BAHCC1: variants seen among roughly 807,000 people sequenced by gnomAD.
BAHCC1 encodes the protein BAH and coiled-coil domain-containing protein 1.
In BAHCC1, 43 loss-of-function variants were observed where a neutral mutation model predicts 88.2. The observed-to-expected ratio is 0.49, with a 90% CI of 0.38 to 0.63. The LOEUF (loss-of-function observed/expected upper bound fraction) is 0.63. BAHCC1 is among the 20% of genes least tolerant of loss of function. BAHCC1 has a pLI of 0.00. For synonymous variants in BAHCC1, 1,510 were observed against 745.5 expected (o/e 2.03, Z -16.71); for missense variants, 3,023 against 1,654.8 (o/e 1.83, Z -14.34).
rs2064456970 is a variant in BAHCC1 at position 81,443,199 on chromosome 17, C to T, written c.1850C>T (p.Ala617Val). The change falls in exon 5 of 28, where the codon GCT becomes GTT. Residue 617 changes from alanine to valine, a missense_variant. Physicochemically the swap from Ala to Val is moderately conservative, Grantham distance 64. Transcript: ENST00000675386. ...DPFGSGLQQA[A>V]LLPQELPAPP... ...TTTGGCAGTGGCCTGCAGCAGGCGG[C>T]TCTTCTGCCCCAGGAACTGCCTGCG... is the stretch of plus-strand genomic sequence containing the variant. 1.3e-5 allele frequency: 10 copies of T among 779,178 alleles called. No individual in the cohort carries two copies. The highest frequency in any genetic ancestry group is 2.2e-4 in the Middle Eastern group (1 of 4,464). 48.3% of individuals were successfully genotyped at this position (779,178 alleles called of 1,614,324 possible). A position where few individuals can be genotyped will look rare whatever the true frequency, so the allele number is the denominator to read the frequency against.
At chr17:81,414,913 C>T (rs1348425571) in intron 2 of BAHCC1, among the ~76,000 whole-genome samples, 1 of 152,194 alleles carries the variant, frequency 6.6e-6, no homozygotes, top group Non-Finnish European at 1.5e-5. Flanking sequence ...GTCTCCCACC[C>T]CGGCCTGTCG....
At chr17:81,412,335 A>G (rs1598457882) in intron 2 of BAHCC1, among the ~76,000 whole-genome samples, 2 of 152,358 alleles carry the variant, frequency 1.3e-5, no homozygotes, top group East Asian at 1.9e-4. Flanking sequence ...ATTAACTTAA[A>G]TTGTAATGCA....
intron 2 of BAHCC1, among the ~76,000 whole-genome samples, chr17:81,419,595 C>T (rs111394773): frequency 1.3e-4 from 19 of 149,788 alleles, no homozygotes; most frequent in Non-Finnish European, 2.7e-4. Flanking sequence ...AAGCCAGTGC[C>T]GAGGGAAGAG....
At position 81,445,514 on chromosome 17, in the gene BAHCC1, C is replaced by T; in HGVS notation, c.2996C>T (p.Pro999Leu). 1 of 736,480 alleles carries T rather than the reference C, an allele frequency of 1.4e-6. No individual in the cohort carries two copies. Among genetic ancestry groups the T allele is most frequent in the East Asian group, 2.6e-5 (1 of 38,666 alleles). 45.6% of individuals were successfully genotyped at this position (736,480 alleles called of 1,614,324 possible). A position where few individuals can be genotyped will look rare whatever the true frequency, so the allele number is the denominator to read the frequency against. ...CCACCTTGCTGCCATCCGCCCGACC[C>T]AAAGCCCCCCGCCAGCTCCCCCACC... is the stretch of plus-strand genomic sequence containing the variant. ...KLPPCCHPPD[P>L]KPPASSPTPP... The change falls in exon 10 of 28, where the codon CCA (proline) becomes CTA (leucine). Residue 999 changes from proline (P) to leucine (L), a missense_variant. Transcript: ENST00000675386.
chr17:81,401,770 C>G (rs892175761), intron 2 of BAHCC1: 3 of 152,522 alleles, frequency 2.0e-5, no homozygotes, highest in African/African-American at 7.2e-5. Flanking sequence ...CACAGGCAGG[C>G]TGGGGCTGTC....
rs376191762 is a variant in BAHCC1, at chr17:81,461,515, C to G, written c.6852C>G (p.Tyr2284Ter). The G allele has an allele frequency of 1.4e-6, 1 of 739,854 alleles. No individual in the cohort carries two copies. The highest frequency in any genetic ancestry group is 2.5e-6 in the Non-Finnish European group (1 of 397,994). 45.8% of individuals were successfully genotyped at this position (739,854 alleles called of 1,614,324 possible). Residue 2284 changes from tyrosine (Y) to a stop codon, truncating the protein, a stop_gained, in exon 26 of 28, where the codon TAC becomes TAG. Transcript: ENST00000675386. LOFTEE classifies it high-confidence loss of function. ...YAGQAEFPLP[Y>*]DSDCHSSFSD... ...GCCAGGCAGAGTTCCCGCTGCCCTA[C>G]GACAGCGACTGCCACAGCTCCTTCT...
At chr17:81,453,131 A>G (rs1200626241) in intron 14 of BAHCC1, among the ~76,000 whole-genome samples, 1 of 152,066 alleles carries the variant, frequency 6.6e-6, no homozygotes, top group Non-Finnish European at 1.5e-5. Flanking sequence ...CCGGCTCTGC[A>G]CACCTGGCTG....
At chr17:81,428,972 T>C (rs2064230894) in intron 3 of BAHCC1, among the ~76,000 whole-genome samples, 1 of 152,132 alleles carries the variant, frequency 6.6e-6, no homozygotes, top group South Asian at 2.1e-4. Flanking sequence ...CCCAGGGAAG[T>C]AGCTCCTCCA....
intron 2 of BAHCC1, among the ~76,000 whole-genome samples, chr17:81,416,193 G>A (rs1319205873): frequency 4.1e-5 from 6 of 146,148 alleles, no homozygotes; most frequent in African/African-American, 1.5e-4. Flanking sequence ...CATGAGGGTG[G>A]GTGTATGCGC....
At chr17:81,401,754 T>C (rs2063819674) in intron 2 of BAHCC1, 1 of 152,508 alleles carries the variant, frequency 6.6e-6, no homozygotes, top group South Asian at 2.1e-4. Context: ...GGCTTGCATG[T>C]TGGTGCACAG....
rs782608042 is a variant in BAHCC1, at chr17:81,441,809, AC to A, written c.482-20del. The A allele has an allele frequency of 1.5e-5, 9 of 589,420 alleles. No homozygotes were observed. In the East Asian group the frequency reaches 2.6e-4, roughly 17 times the overall value. The allele number at this position is 589,420 out of a possible 1,614,324, so 36.5% of individuals were successfully genotyped here. On this transcript the variant is annotated intron_variant, in intron 4 of 27. Transcript: ENST00000675386. Reference sequence around the variant, plus strand: ...GCCTCACCCCTAAGGCCTCCCATTGACCTTGGCTCTTTCCCACACAGATAAC... The same window carrying A: ...GCCTCACCCCTAAGGCCTCCCATTGACTTGGCTCTTTCCCACACAGATAAC...
rs869297780 is a variant in BAHCC1 at position 81,446,526 on chromosome 17, CTTTTTTTTTTTTTTTTTTTTTTT to C, written c.3164-494_3164-472del. Among the ~76,000 whole-genome samples, 453 of 49,220 alleles carry C rather than the reference CTTTTTTTTTTTTTTTTTTTTTTT, an allele frequency of 9.2e-3. 8 individuals carry two copies. Among genetic ancestry groups the C allele is most frequent in the Admixed American group, 0.012 (40 of 3,462 alleles). The allele number at this position is 49,220 out of a possible 152,430, so 32.3% of individuals were successfully genotyped here. A position where few individuals can be genotyped will look rare whatever the true frequency, so the allele number is the denominator to read the frequency against. ...GGGCCTGGCCTCAGGCTGCTCACAC[CTTTTTTTTTTTTTTTTTTTTTTT>C]TTTTTTTTTTTTTTTGAGACAGGGT... On this transcript the variant is annotated intron_variant, in intron 10 of 27. Coordinates refer to ENST00000675386, the MANE Select transcript of BAHCC1 (RefSeq NM_001377448.1).
chr17:81,442,775 C>T lies in BAHCC1; in HGVS notation c.1426C>T (p.Pro476Ser), dbSNP rs1555652959. Residue 476 changes from proline (P) to serine (S), a missense_variant, in exon 5 of 28, where the codon CCC (proline) becomes TCC (serine). Coordinates refer to ENST00000675386, the MANE Select transcript of BAHCC1 (RefSeq NM_001377448.1). ...CCTCGACTATCTCAGCAGCGCAGGC[C>T]CCGAGGCCTCCTTCCCCGGACTCCC... ...KGLDYLSSAG[P>S]EASFPGLPKS... 2 of 779,500 alleles carry T rather than the reference C, an allele frequency of 2.6e-6. No individual in the cohort carries two copies. 48.3% of individuals were successfully genotyped at this position (779,500 alleles called of 1,614,324 possible). A position where few individuals can be genotyped will look rare whatever the true frequency, so the allele number is the denominator to read the frequency against.
chr17:81,406,580 G>C (rs1247894103), intron 2 of BAHCC1, among the ~76,000 whole-genome samples: 1 of 152,232 alleles, frequency 6.6e-6, no homozygotes, highest in Non-Finnish European at 1.5e-5. Flanking sequence ...ACCGCACTCC[G>C]CTCGGGCTCC....
At chr17:81,427,321 C>T (rs965246220) in intron 3 of BAHCC1, among the ~76,000 whole-genome samples, 2 of 152,130 alleles carry the variant, frequency 1.3e-5, no homozygotes, top group African/African-American at 4.8e-5. Context: ...TCACAGTGGC[C>T]GTGCCCCACC....
chr17:81,463,098 A>G, intron 27 of BAHCC1, 122 bp downstream of exon 27: 1 of 630,448 alleles, frequency 1.6e-6, no homozygotes, highest in East Asian at 2.7e-5. Context: ...CCCGCTCAGC[A>G]GGTACCACGG....
intron 10 of BAHCC1, 164 bp from the exon 11 acceptor site, chr17:81,446,872 C>T (rs1323393006): frequency 2.1e-5 from 14 of 669,620 alleles, no homozygotes; most frequent in South Asian, 1.4e-4. Context: ...CCTTAATTAA[C>T]GTAACCCTTT....
chr17:81,439,181 G>A (rs1208260270), intron 4 of BAHCC1, among the ~76,000 whole-genome samples: 1 of 152,244 alleles, frequency 6.6e-6, no homozygotes, highest in Non-Finnish European at 1.5e-5. Context: ...CTGGAGGTGG[G>A]ATGGGTGTGG....
chr17:81,419,542 C>T (rs1389194451), intron 2 of BAHCC1, among the ~76,000 whole-genome samples: 2 of 152,170 alleles, frequency 1.3e-5, no homozygotes, highest in Non-Finnish European at 2.9e-5. Context: ...TGGTGTCCCC[C>T]GCCTGGGCGG....
Sources: gnomAD v4.1 joint callset for allele counts (sites outside exome capture counted in the v4.1 genomes callset) on GRCh38, gnomAD v4.1.1 for gene constraint, MANE v1.5 for transcripts, NCBI Gene and HGNC (gene_info 2026-07-23, HGNC 2026-07-21) for gene names.